FSTL5: variants seen among roughly 807,000 people sequenced by gnomAD.
FSTL5 encodes follistatin-related protein 5.
FSTL5 carries 62 observed loss-of-function variants against 89.1 expected under a neutral mutation model. The ratio of observed to expected loss-of-function variants is 0.70; its 90% confidence interval spans 0.57 to 0.86. The LOEUF (loss-of-function observed/expected upper bound fraction) is 0.86, where lower values mean the gene tolerates loss of function less well. Ranked by LOEUF, FSTL5 falls within the 40% of genes least tolerant of loss-of-function variation. The pLI, the probability that FSTL5 is intolerant of heterozygous loss-of-function variation, is 0.00. For synonymous variants in FSTL5, 383 were observed against 346.2 expected, an observed-to-expected ratio of 1.11 and a Z score of -1.18; for missense variants, 1,057 against 1,001.6, an observed-to-expected ratio of 1.06 and a Z score of -0.75.
At chr4:162,048,598 TACACACACACAC>T (rs34979000) in intron 2 of FSTL5, among the ~76,000 whole-genome samples, 1 of 149,432 alleles carries the variant, frequency 6.7e-6, no homozygotes, top group Non-Finnish European at 1.5e-5. Context: ...ATTATACACA[TACACACACACAC>T]ACACACACAC....
intron 3 of FSTL5, among the ~76,000 whole-genome samples, chr4:161,985,495 T>C (rs1735940364): frequency 6.6e-6 from 1 of 152,022 alleles, no homozygotes; most frequent in Admixed American, 6.6e-5. Flanking sequence ...CATAAAGAAA[T>C]CTGTTTTTGA....
intron 6 of FSTL5, among the ~76,000 whole-genome samples, chr4:161,707,393 G>A (rs1738619187): frequency 6.6e-6 from 1 of 151,788 alleles, no homozygotes; most frequent in African/African-American, 2.4e-5. Flanking sequence ...TTAGCATGAT[G>A]CTGTTATTAG....
intron 4 of FSTL5, among the ~76,000 whole-genome samples, chr4:161,831,511 G>A (rs17041630): frequency 0.077 from 11,702 of 151,436 alleles, 519 homozygotes; most frequent in African/African-American, 0.12. Context: ...GTTACTTGCT[G>A]TTTTGTTACA....
At chr4:161,753,816 G>C (rs1740479599) in intron 6 of FSTL5, among the ~76,000 whole-genome samples, 1 of 152,024 alleles carries the variant, frequency 6.6e-6, no homozygotes, top group Non-Finnish European at 1.5e-5. Context: ...GCCGAGGCGG[G>C]TGGATTATGA....
intron 6 of FSTL5, among the ~76,000 whole-genome samples, chr4:161,711,483 A>T (rs1393907106): frequency 6.6e-6 from 1 of 152,108 alleles, no homozygotes; most frequent in Admixed American, 6.6e-5. Context: ...CTCAATGGAT[A>T]CATCAAAAGT....
intron 8 of FSTL5, among the ~76,000 whole-genome samples, chr4:161,553,139 C>G (rs1732271059): frequency 6.6e-6 from 1 of 151,474 alleles, no homozygotes; most frequent in African/African-American, 2.4e-5. Context: ...CTAAATAATT[C>G]CATATGATAT....
intron 2 of FSTL5, among the ~76,000 whole-genome samples, chr4:162,037,416 T>G (rs2111211082): frequency 6.6e-6 from 1 of 152,008 alleles, no homozygotes; most frequent in South Asian, 2.1e-4. Context: ...ATGGAGAAGA[T>G]TTTAAGTGCA....
At chr4:161,537,489 G>C (rs897939371) in intron 10 of FSTL5, among the ~76,000 whole-genome samples, 2 of 152,102 alleles carry the variant, frequency 1.3e-5, no homozygotes, top group African/African-American at 4.8e-5. Flanking sequence ...AAACAATTCG[G>C]CTATCATAAA....
chr4:161,908,961 A>G (rs17041747), intron 4 of FSTL5, among the ~76,000 whole-genome samples: 1,585 of 152,264 alleles, frequency 0.01, 28 homozygotes, highest in African/African-American at 0.033. Context: ...TGCCTACTTC[A>G]GTGACCGCTC....
chr4:161,705,317 T>C (rs990235964), intron 6 of FSTL5, among the ~76,000 whole-genome samples: 3 of 152,080 alleles, frequency 2.0e-5, no homozygotes, highest in African/African-American at 4.8e-5. Context: ...TTAGAGAGGA[T>C]GACATATTTA....
At chr4:161,961,768 C>T (rs1735185309) in intron 3 of FSTL5, among the ~76,000 whole-genome samples, 1 of 151,558 alleles carries the variant, frequency 6.6e-6, no homozygotes, top group Admixed American at 6.6e-5. Context: ...ATTATAAATC[C>T]TAGTTAATAC....
chr4:161,746,172 T>C (rs543528869), intron 6 of FSTL5, among the ~76,000 whole-genome samples: 1 of 152,104 alleles, frequency 6.6e-6, no homozygotes, highest in Non-Finnish European at 1.5e-5. Context: ...TTTGAAGTTG[T>C]CACCAATTTA....
At chr4:162,090,618 C>T (rs1027259717) in intron 2 of FSTL5, among the ~76,000 whole-genome samples, 5 of 151,860 alleles carry the variant, frequency 3.3e-5, no homozygotes, top group Admixed American at 1.3e-4. Flanking sequence ...GCCAGGAGTT[C>T]GAGACTAGCC....
chr4:161,837,134 A>C (rs1731072225), intron 4 of FSTL5, among the ~76,000 whole-genome samples: 1 of 152,158 alleles, frequency 6.6e-6, no homozygotes, highest in Admixed American at 6.6e-5. Context: ...ATAGGGTTTA[A>C]AAAGAGTGGA....
intron 4 of FSTL5, among the ~76,000 whole-genome samples, chr4:161,852,933 A>T (rs550400861): frequency 6.6e-6 from 1 of 152,254 alleles, no homozygotes; most frequent in Non-Finnish European, 1.5e-5. Flanking sequence ...GCAAACCACG[A>T]TGGCACACAT....
chr4:162,001,598 TTGTGTGTGTGTGTGTG>T (rs34546507), intron 3 of FSTL5, among the ~76,000 whole-genome samples: 6 of 149,926 alleles, frequency 4.0e-5, no homozygotes, highest in African/African-American at 1.5e-4. Flanking sequence ...GATACATGCA[TTGTGTGTGTGTGTGTG>T]TGTGTGTGTG....
intron 3 of FSTL5, among the ~76,000 whole-genome samples, chr4:162,002,797 T>G (rs577191422): frequency 2.2e-5 from 2 of 92,514 alleles, no homozygotes; most frequent in African/African-American, 3.8e-5. Context: ...TATTGTTGTT[T>G]TTTTTTTCAT....
intron 15 of FSTL5, among the ~76,000 whole-genome samples, chr4:161,388,762 T>C (rs981149823): frequency 3.3e-5 from 5 of 152,088 alleles, no homozygotes; most frequent in African/African-American, 1.2e-4. Context: ...AGCTCTCCTC[T>C]TAACCTTGAG....
At position 161,459,260 on chromosome 4, in the gene FSTL5, G is replaced by C. The variant is rs751373292; in HGVS notation, c.1668C>G (p.Val556=). Residue 556 remains valine, a synonymous_variant, in exon 14 of 16, where the codon GTC becomes GTG. Coordinates refer to ENST00000306100, the MANE Select transcript of FSTL5 (RefSeq NM_020116.5). The part of the protein sequence containing the change: ...KLHYDKSHDQ[V]WVLSWGTLEK... ...CCAAGGTACCCCAGCTTAGCACCCA[G>C]ACCTGATCATGTGATTTGTCATAGT... 2 of 1,613,302 alleles carry C rather than the reference G, an allele frequency of 1.2e-6. No homozygotes were observed. Among genetic ancestry groups the C allele is most frequent in the African/African-American group, 2.7e-5 (2 of 74,850 alleles).
Sources: allele counts gnomAD v4.1 joint callset (sites outside exome capture counted in the v4.1 genomes callset), GRCh38; gene constraint gnomAD v4.1.1; transcripts MANE v1.5; gene names NCBI Gene and HGNC (gene_info 2026-07-23, HGNC 2026-07-21).